TMC2: variants seen among roughly 807,000 people sequenced by gnomAD.
TMC2 encodes the protein transmembrane channel like 2.
TMC2 carries 102 observed loss-of-function variants against 105.9 expected under a neutral mutation model. The observed-to-expected ratio is 0.96, with a 90% CI of 0.82 to 1.14. The LOEUF (loss-of-function observed/expected upper bound fraction) is 1.14, where lower values mean the gene tolerates loss of function less well. Among genes scored for constraint, TMC2 ranks in the 50% most tolerant of loss-of-function variants. The pLI is 0.00. For synonymous variants in TMC2, 402 were observed against 422.8 expected (o/e 0.95, Z 0.60); for missense variants, 1,093 against 1,134.3 (o/e 0.96, Z 0.52).
intron 10 of TMC2, among the ~76,000 whole-genome samples, chr20:2,600,986 G>GAAAAAAA (rs55710696): frequency 4.4e-5 from 4 of 90,560 alleles, no homozygotes; most frequent in Admixed American, 1.3e-4. Flanking sequence ...GACTGTCTCA[G>GAAAAAAA]AAAAAAAAAA....
intron 2 of TMC2, among the ~76,000 whole-genome samples, chr20:2,543,972 G>T (rs559564824): frequency 1.3e-5 from 2 of 149,948 alleles, no homozygotes; most frequent in Admixed American, 1.3e-4. Context: ...CATGATCTTG[G>T]CTCACTGCAA....
At chr20:2,551,258 C>T (rs1446362260) in intron 2 of TMC2, among the ~76,000 whole-genome samples, 1 of 152,160 alleles carries the variant, frequency 6.6e-6, no homozygotes, top group Non-Finnish European at 1.5e-5. Context: ...CATCTGTATA[C>T]TTTCTTTGGT....
intron 12 of TMC2, 22 bp downstream of exon 12, chr20:2,610,620 A>T: frequency 1.4e-6 from 2 of 1,446,284 alleles, no homozygotes; most frequent in South Asian, 1.5e-5. Context: ...AACACCCCCC[A>T]CCCCACTGCA....
Position 2,538,549 on chromosome 20 carries a change from G to A in TMC2, c.82+1233G>A, listed in dbSNP as rs150699123. On this transcript the variant is annotated intron_variant, in intron 2 of 19. Transcript: ENST00000358864. ...CCACTCCCCTCGTAGTCATCCAGAT[G>A]CCGTCCCTTCCGCACCCAGCCTGGC... Among the ~76,000 whole-genome samples the A allele has an allele frequency of 1.6e-4, 24 of 152,272 alleles. No homozygotes were observed. In the East Asian group the frequency reaches 4.1e-3, roughly 26 times the overall value.
chr20:2,640,984 G>A, intron 19 of TMC2, 150 bp from the exon 20 acceptor site: 4 of 664,438 alleles, frequency 6.0e-6, no homozygotes, highest in Middle Eastern at 2.9e-4. Context: ...AGGCCAAGGT[G>A]ACCCCGAGAC....
At chr20:2,564,214 A>T (rs1183805880) in intron 4 of TMC2, among the ~76,000 whole-genome samples, 1 of 135,894 alleles carries the variant, frequency 7.4e-6, no homozygotes, top group Non-Finnish European at 1.5e-5. Context: ...GCAGTGGCAC[A>T]ATCTCGGCTC....
chr20:2,562,921 G>A (rs1242493126), intron 4 of TMC2, among the ~76,000 whole-genome samples: 1 of 151,922 alleles, frequency 6.6e-6, no homozygotes, highest in Non-Finnish European at 1.5e-5. Flanking sequence ...ACTCCAGCCT[G>A]GGCAACAGAG....
At chr20:2,636,769 G>A (rs1238605179) in intron 18 of TMC2, among the ~76,000 whole-genome samples, 2 of 17,840 alleles carry the variant, frequency 1.1e-4, no homozygotes, top group Non-Finnish European at 2.2e-4. Context: ...GACTACAGGC[G>A]TGCATGCACC....
chr20:2,538,222 G>A (rs184830008), intron 2 of TMC2, among the ~76,000 whole-genome samples: 1 of 152,266 alleles, frequency 6.6e-6, no homozygotes, highest in East Asian at 1.9e-4. Context: ...TGTTACAAGG[G>A]GAGAGACCCA....
At position 2,613,205 on chromosome 20, in the gene TMC2, G is replaced by A; in HGVS notation, c.1755G>A (p.Arg585=). The A allele has an allele frequency of 1.2e-6, 2 of 1,613,466 alleles. No individual in the cohort carries two copies. Among genetic ancestry groups the A allele is most frequent in the Admixed American group, 1.7e-5 (1 of 60,006 alleles). ...WETAVGIEFM[R]LTVSDMLVTY... ...GTGTTCCTCTGCAGGAATTCATGAG[G>A]CTGACGGTGTCTGACATGCTGGTAA... Residue 585 remains arginine, a synonymous_variant, in exon 14 of 20, where the codon AGG becomes AGA. Coordinates refer to ENST00000358864, the MANE Select transcript of TMC2 (RefSeq NM_080751.3).
chr20:2,579,848 C>T, intron 6 of TMC2, 102 bp from the exon 7 acceptor site: 1 of 685,110 alleles, frequency 1.5e-6, no homozygotes, highest in South Asian at 1.9e-5. Flanking sequence ...TGTCATTCAA[C>T]AGACTGATGT....
chr20:2,557,044 G>A (rs906447107), intron 2 of TMC2, among the ~76,000 whole-genome samples: 2 of 151,972 alleles, frequency 1.3e-5, no homozygotes, highest in Admixed American at 6.6e-5. Flanking sequence ...GTGTGAATAC[G>A]ATATGCCTAG....
intron 5 of TMC2, among the ~76,000 whole-genome samples, chr20:2,576,466 C>T (rs1400473615): frequency 6.6e-6 from 1 of 152,200 alleles, no homozygotes. Flanking sequence ...AGGAACCGAC[C>T]GGCAGGCTGT....
At chr20:2,552,218 A>G (rs1370427037) in intron 2 of TMC2, among the ~76,000 whole-genome samples, 1 of 152,218 alleles carries the variant, frequency 6.6e-6, no homozygotes, top group Non-Finnish European at 1.5e-5. Flanking sequence ...TATTCGTGCC[A>G]TTGCACTCCA....
chr20:2,626,555 T>C (rs1446727435), intron 17 of TMC2, among the ~76,000 whole-genome samples: 2 of 152,270 alleles, frequency 1.3e-5, no homozygotes, highest in Non-Finnish European at 2.9e-5. Flanking sequence ...TAGACTTATC[T>C]TTTGATGAGG....
At chr20:2,557,963 G>C (rs567745269) in intron 2 of TMC2, among the ~76,000 whole-genome samples, 1 of 152,198 alleles carries the variant, frequency 6.6e-6, no homozygotes, top group East Asian at 1.9e-4. Flanking sequence ...CAAGATAAAC[G>C]CATCCAATTT....
chr20:2,537,244 T>G, intron 1 of TMC2, 25 bp from the exon 2 acceptor site: 1 of 1,591,848 alleles, frequency 6.3e-7, no homozygotes, highest in Non-Finnish European at 8.6e-7. Context: ...GGCCAGCCAT[T>G]TGTCAGCAAT....
At chr20:2,610,713 A>C (rs1185398374) in intron 12 of TMC2, 115 bp downstream of exon 12, 1 of 617,998 alleles carries the variant, frequency 1.6e-6, no homozygotes, top group African/African-American at 2.0e-5. Flanking sequence ...AATGTAAATT[A>C]AGAAAAATAA....
rs73606152 is a variant in TMC2, at chr20:2,603,011, C to T, written c.1413+710C>T. 4.0e-3 allele frequency among the ~76,000 whole-genome samples: 616 copies of T among 152,290 alleles called. 34 individuals carry two copies. The East Asian group carries it at 0.097, about 24-fold the overall frequency. On this transcript the variant is annotated intron_variant, in intron 11 of 19. Transcript: ENST00000358864. ...GAAACATGCAGAGATTTGAATAGTGCTTGTGTATTGAGACTTGCTCTTTTA... is the reference window on the plus strand; with the variant it reads ...GAAACATGCAGAGATTTGAATAGTGTTTGTGTATTGAGACTTGCTCTTTTA...
Sources: allele counts gnomAD v4.1 joint callset (sites outside exome capture counted in the v4.1 genomes callset), GRCh38; gene constraint gnomAD v4.1.1; transcripts MANE v1.5; gene names NCBI Gene and HGNC (gene_info 2026-07-23, HGNC 2026-07-21).